PIK3C2G: variants seen among roughly 807,000 people sequenced by gnomAD.
The protein encoded by PIK3C2G is phosphatidylinositol 3-kinase C2 domain-containing subunit gamma.
A neutral mutation model predicts 181.1 loss-of-function variants in PIK3C2G; 168 were observed. That is an observed-to-expected ratio of 0.93 (90% confidence interval 0.82 to 1.05). The LOEUF is 1.05. PIK3C2G is among the 50% of genes least tolerant of loss of function. The probability of loss-of-function intolerance (pLI) is 0.00; values close to 1 mark genes in which losing one functional copy is unlikely to be tolerated. For synonymous variants in PIK3C2G, 573 were observed against 592.2 expected, an observed-to-expected ratio of 0.97 and a Z score of 0.47; for missense variants, 1,869 against 1,732.8, an observed-to-expected ratio of 1.08 and a Z score of -1.40.
chr12:18,457,917 GT>G (rs924671700), intron 18 of PIK3C2G, among the ~76,000 whole-genome samples: 49 of 151,706 alleles, frequency 3.2e-4, no homozygotes, highest in African/African-American at 9.4e-4. Context: ...GGTGACAATA[GT>G]TTTTTTTAAG....
intron 31 of PIK3C2G, among the ~76,000 whole-genome samples, chr12:18,610,104 G>C (rs1948257169): frequency 6.6e-6 from 1 of 152,008 alleles, no homozygotes; most frequent in African/African-American, 2.4e-5. Context: ...CTTAAGGTTG[G>C]GGCAAGTCAG....
intron 5 of PIK3C2G, among the ~76,000 whole-genome samples, chr12:18,304,272 T>C (rs191793261): frequency 5.1e-4 from 77 of 152,332 alleles, no homozygotes; most frequent in Non-Finnish European, 6.3e-4. Flanking sequence ...TTCATTTTTT[T>C]TGAGATGGAG....
At chr12:18,719,335 C>A in the PIK3C2G span, 1 of 641,232 alleles carries the variant, frequency 1.6e-6, no homozygotes, top group African/African-American at 1.9e-5. Flanking sequence ...CATGGAGAGT[C>A]TTCTTTTTAT....
At chr12:18,506,655 T>C (rs1941856529) in intron 24 of PIK3C2G, among the ~76,000 whole-genome samples, 1 of 152,190 alleles carries the variant, frequency 6.6e-6, no homozygotes, top group African/African-American at 2.4e-5. Flanking sequence ...TATTATTTAC[T>C]GAAATAAGGA....
chr12:18,378,193 G>A (rs1942585183), intron 13 of PIK3C2G, among the ~76,000 whole-genome samples: 1 of 152,146 alleles, frequency 6.6e-6, no homozygotes, highest in Non-Finnish European at 1.5e-5. Context: ...AGACCACTCA[G>A]ATTTCTGGAG....
intron 16 of PIK3C2G, among the ~76,000 whole-genome samples, chr12:18,402,305 T>C (rs1336202343): frequency 6.6e-6 from 1 of 152,080 alleles, no homozygotes; most frequent in African/African-American, 2.4e-5. Context: ...TCCACTTGTA[T>C]GAAATGTGCA....
chr12:18,706,284 A>G, the PIK3C2G span, among the ~76,000 whole-genome samples: 1 of 152,100 alleles, frequency 6.6e-6, no homozygotes. Flanking sequence ...CTATACTGCT[A>G]TAGAAAGTTA....
chr12:18,309,916 G>A (rs1156472873), intron 5 of PIK3C2G, among the ~76,000 whole-genome samples: 1 of 151,790 alleles, frequency 6.6e-6, no homozygotes, highest in Non-Finnish European at 1.5e-5. Flanking sequence ...CGTACCTAGA[G>A]TCAGTTGTGT....
intron 25 of PIK3C2G, 84 bp downstream of exon 25, chr12:18,538,396 G>T: frequency 2.5e-6 from 3 of 1,191,626 alleles, no homozygotes; most frequent in Non-Finnish European, 3.5e-6. Flanking sequence ...TAATGGCTTG[G>T]AGTTCCCCAA....
At chr12:18,513,374 T>C (rs1189073700) in intron 24 of PIK3C2G, among the ~76,000 whole-genome samples, 2 of 100,908 alleles carry the variant, frequency 2.0e-5, no homozygotes, top group Non-Finnish European at 4.0e-5. Context: ...AGAATTGGTA[T>C]TCTTTTTTTT....
chr12:18,488,469 A>G lies in PIK3C2G; in HGVS notation c.2525A>G (p.Asn842Ser), dbSNP rs548163176. The change falls in exon 19 of 33, where the codon AAT becomes AGT. Residue 842 changes from asparagine to serine, a missense_variant. Physicochemically the swap from Asn to Ser is conservative, Grantham distance 46. Transcript: ENST00000538779. ...RLYWLLKNAE[N>S]EAYFKSWYQK... ...TTCAGGCTGCTAAAAAATGCAGAAA[A>G]TGAAGCTTATTTTAAAAGCTGGTAT... is the stretch of plus-strand genomic sequence containing the variant. 6 of 1,530,986 alleles carry G rather than the reference A, an allele frequency of 3.9e-6. No homozygotes were observed. Among genetic ancestry groups the G allele is most frequent in the South Asian group, 1.3e-5 (1 of 78,638 alleles). 94.8% of individuals were successfully genotyped at this position (1,530,986 alleles called of 1,614,324 possible). A position where few individuals can be genotyped will look rare whatever the true frequency, so the allele number is the denominator to read the frequency against.
chr12:18,384,171 G>A (rs1389609986), intron 14 of PIK3C2G, among the ~76,000 whole-genome samples: 2 of 151,560 alleles, frequency 1.3e-5, no homozygotes, highest in African/African-American at 4.8e-5. Context: ...AGGATCATAG[G>A]GCCAAAAACT....
At chr12:18,717,698 T>G in the PIK3C2G span, among the ~76,000 whole-genome samples, 4 of 152,290 alleles carry the variant, frequency 2.6e-5, no homozygotes, top group South Asian at 2.1e-4. Flanking sequence ...ACAGTATTAC[T>G]GTAATTTGGT....
chr12:18,423,430 TAA>T (rs1325911486), intron 17 of PIK3C2G, among the ~76,000 whole-genome samples: 1 of 152,016 alleles, frequency 6.6e-6, no homozygotes, highest in Non-Finnish European at 1.5e-5. Context: ...CTAAAAAACT[TAA>T]GAGTTGTTCA....
intron 31 of PIK3C2G, among the ~76,000 whole-genome samples, chr12:18,611,655 C>T (rs1385573690): frequency 1.3e-5 from 2 of 152,066 alleles, no homozygotes; most frequent in African/African-American, 2.4e-5. Flanking sequence ...CATCGTTTGC[C>T]ACCTTTTTCA....
chr12:18,247,447 G>A (rs1383113318), upstream of PIK3C2G, among the ~76,000 whole-genome samples: 3 of 152,164 alleles, frequency 2.0e-5, no homozygotes, highest in Non-Finnish European at 4.4e-5. Flanking sequence ...ATCTGCAGAA[G>A]AGAAAAGAAA....
At chr12:18,666,839 T>C in the PIK3C2G span, among the ~76,000 whole-genome samples, 1 of 152,214 alleles carries the variant, frequency 6.6e-6, no homozygotes, top group Non-Finnish European at 1.5e-5. Context: ...GGTTATGTGG[T>C]ATATGGAAAC....
chr12:18,589,871 G>T (rs1946984879), intron 29 of PIK3C2G, among the ~76,000 whole-genome samples: 1 of 151,894 alleles, frequency 6.6e-6, no homozygotes, highest in Non-Finnish European at 1.5e-5. Context: ...TTGATAAATA[G>T]GTCAAACTAG....
At chr12:18,479,695 T>A (rs1372307862) in intron 18 of PIK3C2G, among the ~76,000 whole-genome samples, 1 of 152,152 alleles carries the variant, frequency 6.6e-6, no homozygotes, top group East Asian at 1.9e-4. Context: ...AACCAAAGCA[T>A]GCAGGTTCTT....
Sources: gnomAD v4.1 joint callset for allele counts (sites outside exome capture counted in the v4.1 genomes callset) on GRCh38, gnomAD v4.1.1 for gene constraint, MANE v1.5 for transcripts, NCBI Gene and HGNC (gene_info 2026-07-23, HGNC 2026-07-21) for gene names.